The following INPP5D variants were observed in gnomAD, a reference collection of about 807,000 sequenced individuals.
INPP5D encodes the protein inositol polyphosphate-5-phosphatase D, also known as phosphatidylinositol 3,4,5-trisphosphate 5-phosphatase 1.
INPP5D carries 33 observed loss-of-function variants against 122.9 expected under a neutral mutation model. That is an observed-to-expected ratio of 0.27 (90% confidence interval 0.20 to 0.36). INPP5D has a LOEUF of 0.36. Ranked by LOEUF, INPP5D falls within the 10% of genes least tolerant of loss-of-function variation. The probability of loss-of-function intolerance (pLI) is 1.00; values close to 1 mark genes in which losing one functional copy is unlikely to be tolerated. For missense variants in INPP5D, 1,053 were observed against 1,412.7 expected, an observed-to-expected ratio of 0.75 and a Z score of 4.08; for synonymous variants, 584 against 576.2, an observed-to-expected ratio of 1.01 and a Z score of -0.19.
chr2:233,172,013 C>G (rs1191952164), intron 17 of INPP5D, among the ~76,000 whole-genome samples: 1 of 152,178 alleles, frequency 6.6e-6, no homozygotes, highest in African/African-American at 2.4e-5. Context: ...AGAGGAAGGC[C>G]AAGCGCTGGG....
chr2:233,121,386 C>T (rs1692971917), intron 2 of INPP5D, among the ~76,000 whole-genome samples: 1 of 151,800 alleles, frequency 6.6e-6, no homozygotes, highest in South Asian at 2.1e-4. Context: ...GATGTGCCCA[C>T]CTCAGCCTCC....
intron 2 of INPP5D, among the ~76,000 whole-genome samples, chr2:233,113,813 C>T (rs1364599527): frequency 2.0e-5 from 3 of 152,172 alleles, no homozygotes; most frequent in Non-Finnish European, 4.4e-5. Context: ...GCCCAGCGTC[C>T]ACACCGTAGC....
chr2:233,187,813 C>T (rs560738548), intron 21 of INPP5D, among the ~76,000 whole-genome samples: 5 of 152,312 alleles, frequency 3.3e-5, no homozygotes, highest in Admixed American at 6.5e-5. Context: ...GGCCCAAGCC[C>T]GTCCTCCTGC....
chr2:233,119,493 A>G (rs752120970), intron 2 of INPP5D, among the ~76,000 whole-genome samples: 4 of 152,162 alleles, frequency 2.6e-5, no homozygotes, highest in Non-Finnish European at 4.4e-5. Context: ...TTCTGGTTCA[A>G]TAATGTTTGA....
intron 3 of INPP5D, among the ~76,000 whole-genome samples, chr2:233,124,969 A>G (rs1693112236): frequency 6.6e-6 from 1 of 152,254 alleles, no homozygotes; most frequent in South Asian, 2.1e-4. Flanking sequence ...AACCCCAGAC[A>G]GAGGAAGTGA....
intron 25 of INPP5D, among the ~76,000 whole-genome samples, chr2:233,203,059 G>A (rs1057100882): frequency 3.3e-5 from 5 of 152,180 alleles, no homozygotes; most frequent in South Asian, 4.1e-4. Flanking sequence ...CCGGGATGTC[G>A]GGCCCCCTGA....
At chr2:233,166,977 C>A (rs574708278) in intron 13 of INPP5D, among the ~76,000 whole-genome samples, 479 of 149,140 alleles carry the variant, frequency 3.2e-3, no homozygotes, top group Non-Finnish European at 4.5e-3. Context: ...GAGCGAGACT[C>A]TATCTCAAAA....
rs1695202364 is a variant in INPP5D at position 233,197,015 on chromosome 2, C to T, written c.2694-1080C>T. ...TGGCTCTGAAGTGTCTACTGTGTTCCAGAATCAGGATCAGTGTAGGGAAAC... is the reference window on the plus strand; with the variant it reads ...TGGCTCTGAAGTGTCTACTGTGTTCTAGAATCAGGATCAGTGTAGGGAAAC... On this transcript the variant is annotated intron_variant, in intron 24 of 26. Coordinates refer to ENST00000445964, the MANE Select transcript of INPP5D (RefSeq NM_001017915.3). This position sits in a 1 kb window ranked among gnomAD's most constrained non-coding sequence, Gnocchi z 4.4. 6.6e-6 allele frequency among the ~76,000 whole-genome samples: 1 copy of T among 152,220 alleles called. No individual in the cohort carries two copies. Among genetic ancestry groups the T allele is most frequent in the African/African-American group, 2.4e-5 (1 of 41,466 alleles).
At chr2:233,101,657 A>C (rs1362929317) in intron 2 of INPP5D, among the ~76,000 whole-genome samples, 1 of 144,486 alleles carries the variant, frequency 6.9e-6, no homozygotes, top group Non-Finnish European at 1.5e-5. Flanking sequence ...TATAACATAT[A>C]ATAGATATTA....
At chr2:233,077,136 A>G (rs547268887) in intron 1 of INPP5D, among the ~76,000 whole-genome samples, 1 of 152,270 alleles carries the variant, frequency 6.6e-6, no homozygotes, top group African/African-American at 2.4e-5. Context: ...TTTTTTGGTG[A>G]AAAAAACAAA....
intron 6 of INPP5D, among the ~76,000 whole-genome samples, chr2:233,144,784 G>GGCA (rs1693715555): frequency 6.6e-6 from 1 of 151,994 alleles, no homozygotes; most frequent in African/African-American, 2.4e-5. Flanking sequence ...GGTGTTGGTG[G>GGCA]TGATTGTGGT....
At chr2:233,148,624 G>A (rs1693835135) in intron 9 of INPP5D, among the ~76,000 whole-genome samples, 1 of 152,150 alleles carries the variant, frequency 6.6e-6, no homozygotes, top group Non-Finnish European at 1.5e-5. Context: ...GCAGCAGACA[G>A]GACCAGAGGG....
chr2:233,129,671 C>CAG (rs1407258845), intron 4 of INPP5D, among the ~76,000 whole-genome samples: 1 of 152,208 alleles, frequency 6.6e-6, no homozygotes, highest in African/African-American at 2.4e-5. Flanking sequence ...GCTAATCACT[C>CAG]AGACTCCCCC....
chr2:233,204,767 CGTGA>C (rs1316932021), intron 26 of INPP5D, 50 bp downstream of exon 26: 1 of 1,422,446 alleles, frequency 7.0e-7, no homozygotes, highest in Non-Finnish European at 9.2e-7. Flanking sequence ...TGTGTGCATG[CGTGA>C]GTGCGTATGT....
chr2:233,163,954 C>A, intron 12 of INPP5D, 51 bp downstream of exon 12: 1 of 1,590,514 alleles, frequency 6.3e-7, no homozygotes, highest in South Asian at 1.1e-5. Context: ...AATCTTTGCT[C>A]GGCTGGGCTG....
At chr2:233,163,608 C>T (rs532648056) in intron 11 of INPP5D, 99 bp from the exon 12 acceptor site, 33 of 1,582,718 alleles carry the variant, frequency 2.1e-5, no homozygotes, top group South Asian at 1.6e-4. Flanking sequence ...TGTGTAATGA[C>T]GTGACCTCCC....
intron 3 of INPP5D, among the ~76,000 whole-genome samples, chr2:233,124,550 G>A (rs1693095975): frequency 6.6e-6 from 1 of 152,198 alleles, no homozygotes; most frequent in Non-Finnish European, 1.5e-5. Flanking sequence ...GAAGAACTAG[G>A]GCTGACCTGT....
intron 10 of INPP5D, among the ~76,000 whole-genome samples, chr2:233,161,499 G>A (rs2106293137): frequency 6.6e-6 from 1 of 152,276 alleles, no homozygotes; most frequent in South Asian, 2.1e-4. Context: ...TTGGACTTCT[G>A]CGCAGCTCCT....
chr2:233,123,444 C>G (rs1455439683), intron 3 of INPP5D, among the ~76,000 whole-genome samples: 1 of 137,042 alleles, frequency 7.3e-6, no homozygotes, highest in African/African-American at 2.7e-5. Context: ...CAGAGGGAGA[C>G]TCCGTCTCAA....
Sources: allele counts gnomAD v4.1 joint callset (sites outside exome capture counted in the v4.1 genomes callset), GRCh38; gene constraint gnomAD v4.1.1; non-coding constraint Gnocchi (gnomAD v3.1); transcripts MANE v1.5; gene names NCBI Gene and HGNC (gene_info 2026-07-23, HGNC 2026-07-21).